Variants in THSD7B observed in about 807,000 individuals in gnomAD.
The protein encoded by THSD7B is thrombospondin type 1 domain containing 7B.
Under a neutral mutation model 213.6 loss-of-function variants are expected in THSD7B, and 138 were observed. The observed-to-expected ratio is 0.65, with a 90% confidence interval of 0.56 to 0.74. The LOEUF is 0.74. Among genes scored for constraint, THSD7B ranks in the 30% least tolerant of loss-of-function variants. THSD7B has a pLI of 0.00. For synonymous variants in THSD7B, 742 were observed against 687.0 expected, an observed-to-expected ratio of 1.08 and a Z score of -1.25; for missense variants, 1,931 against 1,991.5, an observed-to-expected ratio of 0.97 and a Z score of 0.58.
chr2:136,983,227 T>C (rs1302327935), intron 2 of THSD7B, among the ~76,000 whole-genome samples: 4 of 152,112 alleles, frequency 2.6e-5, no homozygotes, highest in African/African-American at 9.7e-5. Context: ...TTGTATATAC[T>C]TAGGTGAGGA....
At chr2:137,248,264 C>A (rs1190315779) in intron 10 of THSD7B, among the ~76,000 whole-genome samples, 1 of 152,110 alleles carries the variant, frequency 6.6e-6, no homozygotes, top group Non-Finnish European at 1.5e-5. Context: ...ATTATTAAGT[C>A]CTCTACATGC....
At chr2:136,779,829 C>A (rs1437890640) in intron 1 of THSD7B, among the ~76,000 whole-genome samples, 1 of 152,290 alleles carries the variant, frequency 6.6e-6, no homozygotes, top group Non-Finnish European at 1.5e-5. Flanking sequence ...AAAATGTAAA[C>A]AAACTGGTTA....
intron 10 of THSD7B, among the ~76,000 whole-genome samples, chr2:137,248,659 G>A (rs575256741): frequency 6.6e-6 from 1 of 152,064 alleles, no homozygotes; most frequent in Non-Finnish European, 1.5e-5. Context: ...AGCATATGTG[G>A]CCCCCTCCTC....
intron 21 of THSD7B, among the ~76,000 whole-genome samples, chr2:137,645,542 G>A (rs766302656): frequency 2.0e-5 from 3 of 152,138 alleles, no homozygotes; most frequent in South Asian, 4.2e-4. Flanking sequence ...AGGTATAAGC[G>A]ATTAAGGTTG....
chr2:136,965,027 A>G (rs1007713723), intron 2 of THSD7B, among the ~76,000 whole-genome samples: 7 of 151,586 alleles, frequency 4.6e-5, no homozygotes, highest in Admixed American at 3.9e-4. Flanking sequence ...AAAAAAAAAA[A>G]AAGGGTTGTT....
intron 17 of THSD7B, among the ~76,000 whole-genome samples, chr2:137,607,103 C>A (rs1682196659): frequency 6.6e-6 from 1 of 151,000 alleles, no homozygotes; most frequent in Non-Finnish European, 1.5e-5. Flanking sequence ...GCTATGATAT[C>A]ATTAAGACGA....
Position 137,501,647 on chromosome 2 carries a change from C to T in THSD7B, c.3138+50624C>T, listed in dbSNP as rs182938880. On this transcript the variant is annotated intron_variant, in intron 15 of 27. Coordinates refer to ENST00000409968, the MANE Select transcript of THSD7B (RefSeq NM_001316349.2). ...AAAGTTAGAATCACAACTCCCTCCC[C>T]GAAAAGAATCAGTGATGCATTACCA... Among the ~76,000 whole-genome samples, 311 of 152,150 alleles carry T rather than the reference C, an allele frequency of 2.0e-3. 1 individual carries two copies. Among genetic ancestry groups the T allele is most frequent in the Admixed American group, 3.9e-3 (59 of 15,266 alleles).
At chr2:137,023,163 G>A (rs566747809) in intron 2 of THSD7B, among the ~76,000 whole-genome samples, 1 of 152,256 alleles carries the variant, frequency 6.6e-6, no homozygotes, top group Admixed American at 6.5e-5. Flanking sequence ...GGCAGAGGGT[G>A]GTAAACCATC....
intron 1 of THSD7B, among the ~76,000 whole-genome samples, chr2:136,829,218 T>C (rs372337627): frequency 1.2e-4 from 18 of 152,268 alleles, no homozygotes; most frequent in African/African-American, 4.3e-4. Flanking sequence ...AGAATGCTTT[T>C]GAGCACATAG....
intron 15 of THSD7B, among the ~76,000 whole-genome samples, chr2:137,559,726 C>A (rs1002790574): frequency 3.3e-5 from 5 of 152,108 alleles, no homozygotes; most frequent in African/African-American, 7.2e-5. Flanking sequence ...GATCTAATTA[C>A]ACTAAAGAGC....
chr2:137,141,437 A>G (rs1402695755), intron 5 of THSD7B, among the ~76,000 whole-genome samples: 1 of 152,080 alleles, frequency 6.6e-6, no homozygotes, highest in African/African-American at 2.4e-5. Context: ...TGCTGCTTAC[A>G]TGAATCTGCA....
intron 21 of THSD7B, 89 bp downstream of exon 21, chr2:137,642,722 T>G: frequency 5.5e-6 from 8 of 1,445,970 alleles, no homozygotes; most frequent in Non-Finnish European, 7.5e-6. Context: ...GGAATAAATT[T>G]CACAGCACCA....
At chr2:137,305,880 T>C (rs1416284451) in intron 12 of THSD7B, among the ~76,000 whole-genome samples, 1 of 152,186 alleles carries the variant, frequency 6.6e-6, no homozygotes, top group Non-Finnish European at 1.5e-5. Context: ...TATGACCTAT[T>C]GCTCCTAGGC....
chr2:137,045,197 T>C (rs1314473431), intron 2 of THSD7B, among the ~76,000 whole-genome samples: 1 of 152,148 alleles, frequency 6.6e-6, no homozygotes, highest in African/African-American at 2.4e-5. Context: ...TTTTTTCTCC[T>C]TATTAAGTCT....
At chr2:137,617,874 A>G (rs1018995537) in intron 18 of THSD7B, among the ~76,000 whole-genome samples, 1 of 152,102 alleles carries the variant, frequency 6.6e-6, no homozygotes, top group Admixed American at 6.6e-5. Flanking sequence ...CCTCCTTTAT[A>G]AAGGTACTAA....
chr2:137,183,530 A>T (rs148912338), intron 7 of THSD7B, among the ~76,000 whole-genome samples: 2 of 152,180 alleles, frequency 1.3e-5, no homozygotes, highest in Non-Finnish European at 2.9e-5. Context: ...AGGTGCAGGC[A>T]TAGCCCACAT....
chr2:137,065,633 T>C (rs143932228), intron 3 of THSD7B, among the ~76,000 whole-genome samples: 212 of 152,150 alleles, frequency 1.4e-3, no homozygotes, highest in African/African-American at 5.0e-3. Flanking sequence ...TCTTCCTCTG[T>C]CCTCTCTGAT....
intron 4 of THSD7B, among the ~76,000 whole-genome samples, chr2:137,099,968 G>A (rs374889694): frequency 6.6e-6 from 1 of 151,984 alleles, no homozygotes; most frequent in Non-Finnish European, 1.5e-5. Context: ...AAGTCTGTTT[G>A]TGCAAATTTA....
At chr2:137,580,271 G>A (rs1052994928) in intron 17 of THSD7B, among the ~76,000 whole-genome samples, 42 of 144,384 alleles carry the variant, frequency 2.9e-4, no homozygotes, top group African/African-American at 1.0e-3. Context: ...TTAATATCAT[G>A]TGAATTGAGA....
Sources: gnomAD v4.1 joint callset for allele counts (sites outside exome capture counted in the v4.1 genomes callset) on GRCh38, gnomAD v4.1.1 for gene constraint, MANE v1.5 for transcripts, NCBI Gene and HGNC (gene_info 2026-07-23, HGNC 2026-07-21) for gene names.